Variants in SDK1 observed in about 807,000 individuals in gnomAD.
SDK1 encodes the protein protein sidekick-1.
Under a neutral mutation model 245.5 loss-of-function variants are expected in SDK1, and 157 were observed. The observed-to-expected ratio is 0.64, with a 90% confidence interval of 0.56 to 0.73. The LOEUF (loss-of-function observed/expected upper bound fraction) is 0.73. SDK1 is among the 30% of genes least tolerant of loss of function. The pLI is 0.00. For missense variants in SDK1, 3,583 were observed against 3,002.3 expected (o/e 1.19, Z -4.52); for synonymous variants, 1,647 against 1,278.5 (o/e 1.29, Z -6.15).
At chr7:3,353,099 C>G (rs980105010) in intron 1 of SDK1, among the ~76,000 whole-genome samples, 4 of 151,774 alleles carry the variant, frequency 2.6e-5, no homozygotes, top group African/African-American at 9.7e-5. Flanking sequence ...TTTTTTGCAC[C>G]CTGCAGCAAT....
chr7:3,452,344 G>C (rs537423244), intron 1 of SDK1, among the ~76,000 whole-genome samples: 3 of 152,258 alleles, frequency 2.0e-5, no homozygotes, highest in East Asian at 1.9e-4. Flanking sequence ...TTTGGAAGCA[G>C]GTGATTGATA....
chr7:3,814,053 G>C (rs1475992502), intron 4 of SDK1, among the ~76,000 whole-genome samples: 2 of 123,556 alleles, frequency 1.6e-5, no homozygotes, highest in Admixed American at 8.6e-5. Flanking sequence ...TTTCTCCCAT[G>C]TTGTAGGTTG....
rs1365111979 is a variant in SDK1 at position 4,110,697 on chromosome 7, C to T, written c.3359C>T (p.Thr1120Ile). Residue 1120 changes from threonine to isoleucine, a missense_variant, in exon 23 of 45, where the codon ACC becomes ATC. Thr to Ile is a moderately conservative substitution (Grantham distance 89). Coordinates refer to ENST00000404826, the MANE Select transcript of SDK1 (RefSeq NM_152744.4). ...ATCGGCGACGAGGAGGAGTGGGTCA[C>T]CCTCTATGAAGAGGAGAATGAGCCT... ...GAIGDEEEWV[T>I]LYEEENEPDA... 2 of 1,613,774 alleles carry T rather than the reference C, an allele frequency of 1.2e-6. No homozygotes were observed. The highest frequency in any genetic ancestry group is 1.7e-6 in the Non-Finnish European group (2 of 1,179,786).
chr7:3,651,694 A>G (rs1783018894), intron 4 of SDK1, among the ~76,000 whole-genome samples: 1 of 152,220 alleles, frequency 6.6e-6, no homozygotes, highest in South Asian at 2.1e-4. Context: ...CAAGTAAGAT[A>G]AATAAAGTAA....
At chr7:3,408,333 T>G (rs1329411256) in intron 1 of SDK1, among the ~76,000 whole-genome samples, 2 of 152,148 alleles carry the variant, frequency 1.3e-5, no homozygotes, top group Non-Finnish European at 2.9e-5. Context: ...GCAGAAGCCA[T>G]GGTGCTTGGC....
At position 3,882,194 on chromosome 7, in the gene SDK1, C is replaced by G. The variant is rs113488573; in HGVS notation, c.847+60611C>G. Among the ~76,000 whole-genome samples the G allele has an allele frequency of 8.7e-3, 1,320 of 152,212 alleles. 25 individuals carry two copies. The highest frequency in any genetic ancestry group is 0.03 in the African/African-American group (1,240 of 41,526). On this transcript the variant is annotated intron_variant, in intron 5 of 44. Transcript: ENST00000404826. ...GGAAACTGCTCCATGATTCAGTTATCTCCCAGCCGGTCCCTCCAAAACACG... is the reference window on the plus strand; with the variant it reads ...GGAAACTGCTCCATGATTCAGTTATGTCCCAGCCGGTCCCTCCAAAACACG...
intron 4 of SDK1, among the ~76,000 whole-genome samples, chr7:3,739,571 C>T (rs1371354994): frequency 1.3e-5 from 2 of 151,914 alleles, no homozygotes; most frequent in Admixed American, 1.3e-4. Context: ...CTGTTGAGTC[C>T]CTCCAGTGAA....
chr7:3,700,759 A>G (rs1784715980), intron 4 of SDK1, among the ~76,000 whole-genome samples: 1 of 152,182 alleles, frequency 6.6e-6, no homozygotes, highest in Admixed American at 6.5e-5. Context: ...GAGACAATAG[A>G]GAAAAGTCGA....
At chr7:3,829,404 C>A (rs1307906407) in intron 5 of SDK1, among the ~76,000 whole-genome samples, 6 of 152,092 alleles carry the variant, frequency 3.9e-5, no homozygotes, top group Non-Finnish European at 8.8e-5. Flanking sequence ...GATATCGTCA[C>A]GTATATTTTC....
Position 4,026,454 on chromosome 7 carries a change from C to A in SDK1, c.2602+9102C>A, listed in dbSNP as rs913471223. On this transcript the variant is annotated intron_variant, in intron 17 of 44. Coordinates refer to ENST00000404826, the MANE Select transcript of SDK1 (RefSeq NM_152744.4). This position sits in a 1 kb window ranked among gnomAD's most constrained non-coding sequence, Gnocchi z 4.1. ...ACTGACTTCAGAGTCAGACGACTGGCTTCACGAGGGCCCGGTGTGCAGACA... is the reference window on the plus strand; with the variant it reads ...ACTGACTTCAGAGTCAGACGACTGGATTCACGAGGGCCCGGTGTGCAGACA... 6.6e-6 allele frequency among the ~76,000 whole-genome samples: 1 copy of A among 152,218 alleles called. No homozygotes were observed. Among genetic ancestry groups the A allele is most frequent in the Non-Finnish European group, 1.5e-5 (1 of 68,040 alleles).
intron 44 of SDK1, among the ~76,000 whole-genome samples, chr7:4,261,817 T>A (rs1788030379): frequency 6.6e-6 from 1 of 151,880 alleles, no homozygotes; most frequent in African/African-American, 2.4e-5. Flanking sequence ...CTGGGAAGCG[T>A]CTTAGCGTTA....
chr7:3,690,400 C>T (rs961537372), intron 4 of SDK1, among the ~76,000 whole-genome samples: 2 of 152,014 alleles, frequency 1.3e-5, no homozygotes, highest in East Asian at 1.9e-4. Context: ...TTACTTGAGA[C>T]TTATTGTTAA....
intron 1 of SDK1, among the ~76,000 whole-genome samples, chr7:3,327,375 C>G (rs1262599618): frequency 6.6e-6 from 1 of 152,084 alleles, no homozygotes; most frequent in Non-Finnish European, 1.5e-5. Context: ...AATTTTATCT[C>G]CTCTCTGGCT....
intron 1 of SDK1, among the ~76,000 whole-genome samples, chr7:3,614,148 T>A (rs1781691391): frequency 6.6e-6 from 1 of 152,182 alleles, no homozygotes. Flanking sequence ...TATGATGTTG[T>A]CTTGAGACAA....
chr7:4,073,209 T>TG (rs1461546014), intron 20 of SDK1, among the ~76,000 whole-genome samples: 1 of 152,068 alleles, frequency 6.6e-6, no homozygotes, highest in African/African-American at 2.4e-5. Flanking sequence ...ATGCATCCCC[T>TG]GGCCAGCACT....
chr7:3,309,488 G>C (rs977556812), intron 1 of SDK1, among the ~76,000 whole-genome samples: 3 of 148,222 alleles, frequency 2.0e-5, no homozygotes, highest in Non-Finnish European at 3.0e-5. Context: ...ATCAAAACCA[G>C]GTAATAGAAT....
Position 3,841,718 on chromosome 7 carries a change from A to G in SDK1, c.847+20135A>G, listed in dbSNP as rs546162507. On this transcript the variant is annotated intron_variant, in intron 5 of 44. Transcript: ENST00000404826. The stretch of plus-strand genomic sequence containing the variant: ...GCTGGGATTATAGGTGCCCGCCACC[A>G]TGCCTGGCTAATTTTTGTATTCTTA... Among the ~76,000 whole-genome samples, 20 of 152,070 alleles carry G rather than the reference A, an allele frequency of 1.3e-4. No homozygotes were observed. The South Asian group carries it at 2.9e-3, about 22-fold the overall frequency.
intron 4 of SDK1, among the ~76,000 whole-genome samples, chr7:3,731,817 G>T (rs1309731083): frequency 6.6e-6 from 1 of 152,136 alleles, no homozygotes; most frequent in Non-Finnish European, 1.5e-5. Context: ...TTTTGAGACA[G>T]AGTCTTGCTC....
At chr7:3,848,978 T>C (rs1780350822) in intron 5 of SDK1, among the ~76,000 whole-genome samples, 1 of 152,188 alleles carries the variant, frequency 6.6e-6, no homozygotes, top group Non-Finnish European at 1.5e-5. Flanking sequence ...CCTGGAGTTT[T>C]CTTTTCTAAA....
Sources: gnomAD v4.1 joint callset for allele counts (sites outside exome capture counted in the v4.1 genomes callset) on GRCh38, gnomAD v4.1.1 for gene constraint, Gnocchi (gnomAD v3.1) non-coding constraint, MANE v1.5 for transcripts, NCBI Gene and HGNC (gene_info 2026-07-23, HGNC 2026-07-21) for gene names.